Variants in HLA-G observed in about 807,000 individuals in gnomAD.
HLA-G encodes HLA class I histocompatibility antigen, alpha chain G.
HLA-G carries 34 observed loss-of-function variants against 39.3 expected under a neutral mutation model. The ratio of observed to expected loss-of-function variants is 0.86; its 90% CI spans 0.66 to 1.15. The LOEUF is 1.15. HLA-G is among the 50% of genes most tolerant of loss of function. The pLI is 0.00. For synonymous variants in HLA-G, 183 were observed against 185.8 expected (o/e 0.99, Z 0.12); for missense variants, 419 against 456.4 (o/e 0.92, Z 0.75).
chr6:29,828,613 A>T lies in HLA-G; in HGVS notation c.414A>T (p.Glu138Asp). The T allele has an allele frequency of 2.5e-6, 4 of 1,613,056 alleles. No individual in the cohort carries two copies. Among genetic ancestry groups the T allele is most frequent in the Non-Finnish European group, 3.4e-6 (4 of 1,179,958 alleles). ...ACGGACGCCTCCTCCGCGGGTATGA[A>T]CAGTATGCCTACGATGGCAAGGATT... ...GSDGRLLRGY[E>D]QYAYDGKDYL... The change falls in exon 3 of 7, where the codon GAA becomes GAT. Residue 138 changes from glutamate to aspartate, a missense_variant. Transcript: ENST00000360323.
rs1416959687 is a variant in HLA-G at position 29,830,980 on chromosome 6, C to T, written c.*241C>T. 5.3e-6 allele frequency: 1 copy of T among 187,992 alleles called. No homozygotes were observed. Among genetic ancestry groups the T allele is most frequent in the Non-Finnish European group, 1.2e-5 (1 of 86,618 alleles). 11.6% of individuals were successfully genotyped at this position (187,992 alleles called of 1,614,324 possible). On this transcript the variant is annotated 3_prime_UTR_variant, in exon 7 of 7. Coordinates refer to ENST00000360323, the MANE Select transcript of HLA-G (RefSeq NM_001384290.1). The stretch of plus-strand genomic sequence containing the variant: ...TGTCTCAAATTTGTGGTCCACTGAG[C>T]TATAACTTACTTCTGTATTAAAATT...
rs1036044443 is a variant in HLA-G, at chr6:29,830,837, T to C, written c.*98T>C. 8 of 434,172 alleles carry C rather than the reference T, an allele frequency of 1.8e-5. No individual in the cohort carries two copies. Among genetic ancestry groups the C allele is most frequent in the African/African-American group, 8.1e-5 (4 of 49,602 alleles). 26.9% of individuals were successfully genotyped at this position (434,172 alleles called of 1,614,324 possible). On this transcript the variant is annotated 3_prime_UTR_variant, in exon 7 of 7. Coordinates refer to ENST00000360323, the MANE Select transcript of HLA-G (RefSeq NM_001384290.1). ...GTGACTTCAAGAACCCTGACTCCTC[T>C]TTGTGCAGAGACCAGCCCACCCCTG...
Position 29,829,700 on chromosome 6 carries a change from A to C in HLA-G, c.895+7A>C. 6.2e-7 allele frequency: 1 copy of C among 1,611,542 alleles called. No individual in the cohort carries two copies. Among genetic ancestry groups the C allele is most frequent in the Non-Finnish European group, 8.5e-7 (1 of 1,179,172 alleles). On this transcript the variant is annotated splice_region_variant and intron_variant, in intron 4 of 6. Coordinates refer to ENST00000360323, the MANE Select transcript of HLA-G (RefSeq NM_001384290.1). Reference sequence around the variant, plus strand: ...CCCCTCATGCTGAGATGGAGTAAGGAGGGAGATGGAGGCATCATGTCTGTT... The same window carrying C: ...CCCCTCATGCTGAGATGGAGTAAGGCGGGAGATGGAGGCATCATGTCTGTT...
intron 2 of HLA-G, 77 bp from the exon 3 acceptor site, chr6:29,828,466 T>G: frequency 6.4e-7 from 1 of 1,567,434 alleles, no homozygotes; most frequent in Non-Finnish European, 8.6e-7. Context: ...CCAAGGCGCC[T>G]TTACCAAAAT....
rs1472538844 is a variant in HLA-G, at chr6:29,829,424, C to G, written c.626C>G (p.Pro209Arg). ...GKEMLQRADPPKTHVTHHPVF... is the reference protein window; with the variant it reads ...GKEMLQRADPRKTHVTHHPVF... ...TTCTGACTCTTCCTTTCAGACCCCC[C>G]CAAGACACACGTGACCCACCACCCT... is the stretch of plus-strand genomic sequence containing the variant. Residue 209 changes from proline (P) to arginine (R), a missense_variant, in exon 4 of 7, where the codon CCC becomes CGC. By Grantham distance (103) the Pro-to-Arg change is moderately radical. Coordinates refer to ENST00000360323, the MANE Select transcript of HLA-G (RefSeq NM_001384290.1). 2.5e-6 allele frequency: 4 copies of G among 1,613,654 alleles called. No homozygotes were observed. Among genetic ancestry groups the G allele is most frequent in the Non-Finnish European group, 3.4e-6 (4 of 1,179,680 alleles).
Position 29,830,301 on chromosome 6 carries a change from C to T in HLA-G, c.1013-77C>T, listed in dbSNP as rs960781272. ...CATTTCTGGAAACTTCTCGAGGGTC[C>T]AAGACTAGGAGGTTCCTCTAGGACC... On this transcript the variant is annotated intron_variant, in intron 5 of 6. Coordinates refer to ENST00000360323, the MANE Select transcript of HLA-G (RefSeq NM_001384290.1). 11 of 1,523,378 alleles carry T rather than the reference C, an allele frequency of 7.2e-6. No homozygotes were observed. In the African/African-American group the frequency reaches 1.4e-4, roughly 19 times the overall value. 94.4% of individuals were successfully genotyped at this position (1,523,378 alleles called of 1,614,324 possible). A position where few individuals can be genotyped will look rare whatever the true frequency, so the allele number is the denominator to read the frequency against.
In HLA-G at chr6:29,828,629, GGCAAGGATTACCTC is replaced by G. The variant is rs754077042; in HGVS notation, c.433_446del (p.Lys145ProfsTer23). ...CGGGTATGAACAGTATGCCTACGATGGCAAGGATTACCTCGCCCTGAACGAGGACCTGCGCTCCT... is the reference window on the plus strand; with the variant it reads ...CGGGTATGAACAGTATGCCTACGATGGCCCTGAACGAGGACCTGCGCTCCT... On this transcript the variant is annotated frameshift_variant, in exon 3 of 7. Coordinates refer to ENST00000360323, the MANE Select transcript of HLA-G (RefSeq NM_001384290.1). LOFTEE classifies it high-confidence loss of function. 2.5e-6 allele frequency: 4 copies of G among 1,613,264 alleles called. No homozygotes were observed. The highest frequency in any genetic ancestry group is 3.4e-6 in the Non-Finnish European group (4 of 1,180,030).
intron 4 of HLA-G, 46 bp downstream of exon 4, chr6:29,829,739 G>A: frequency 6.2e-7 from 1 of 1,606,854 alleles, no homozygotes; most frequent in Admixed American, 1.7e-5. Flanking sequence ...GAAAGCAGGA[G>A]CCTCTCTGAA....
Position 29,831,015 on chromosome 6 carries a change from G to A in HLA-G, c.*276G>A, listed in dbSNP as rs1173487219. ...CTTCTGTATTAAAATTAGAATCTGA[G>A]TATAAATTTACTTTTTCAAATTATT... On this transcript the variant is annotated 3_prime_UTR_variant, in exon 7 of 7. Transcript: ENST00000360323. The A allele has an allele frequency of 1.7e-5, 3 of 180,578 alleles. No individual in the cohort carries two copies. Among genetic ancestry groups the A allele is most frequent in the Non-Finnish European group, 3.6e-5 (3 of 83,210 alleles). The allele number at this position is 180,578 out of a possible 1,614,324, so 11.2% of individuals were successfully genotyped here.
rs1475755134 is a variant in HLA-G, at chr6:29,829,470, C to T, written c.672C>T (p.Thr224=). 1 of 1,613,802 alleles carries T rather than the reference C, an allele frequency of 6.2e-7. No individual in the cohort carries two copies. The highest frequency in any genetic ancestry group is 8.5e-7 in the Non-Finnish European group (1 of 1,179,830). ...THHPVFDYEA[T]LRCWALGFYP... ...ACCCTGTCTTTGACTATGAGGCCACCCTGAGGTGCTGGGCCCTGGGCTTCT... is the reference window on the plus strand; with the variant it reads ...ACCCTGTCTTTGACTATGAGGCCACTCTGAGGTGCTGGGCCCTGGGCTTCT... Residue 224 remains threonine, a synonymous_variant, in exon 4 of 7, where the codon ACC becomes ACT. Coordinates refer to ENST00000360323, the MANE Select transcript of HLA-G (RefSeq NM_001384290.1).
At chr6:29,828,478 C>T (rs1760905234) in intron 2 of HLA-G, 65 bp from the exon 3 acceptor site, 2 of 1,574,222 alleles carry the variant, frequency 1.3e-6, no homozygotes, top group Non-Finnish European at 1.7e-6. Context: ...TACCAAAATC[C>T]CCGCGGGTGG....
At chr6:29,827,282 C>A, upstream of HLA-G, 1 of 354,996 alleles carries the variant, frequency 2.8e-6, no homozygotes, top group African/African-American at 2.1e-5. Context: ...CACTCAGGCA[C>A]AACTTTTCCA....
chr6:29,828,022 G>A (rs1442191212), intron 1 of HLA-G, 25 bp from the exon 2 acceptor site: 13 of 1,606,532 alleles, frequency 8.1e-6, no homozygotes, highest in Non-Finnish European at 1.1e-5. Flanking sequence ...GGGTCGGGCG[G>A]GTCTCAACCC....
chr6:29,830,473 G>C, intron 6 of HLA-G, 63 bp downstream of exon 6: 1 of 1,406,556 alleles, frequency 7.1e-7, no homozygotes, highest in South Asian at 1.2e-5. Flanking sequence ...GCCCATGGGG[G>C]AGCTCACCCA....
At chr6:29,828,006 G>A (rs762144039) in intron 1 of HLA-G, 41 bp from the exon 2 acceptor site, 1 of 1,600,836 alleles carries the variant, frequency 6.2e-7, no homozygotes, top group Non-Finnish European at 8.5e-7. Flanking sequence ...AGCCGCGCCG[G>A]GAGGAGGGTC....
At chr6:29,826,702 T>G (rs769138609), upstream of HLA-G, among the ~76,000 whole-genome samples, 1 of 152,218 alleles carries the variant, frequency 6.6e-6, no homozygotes, top group Non-Finnish European at 1.5e-5. Context: ...TTTATAGATT[T>G]TAATACATCC....
rs1334925113 is a variant in HLA-G at position 29,827,889 on chromosome 6, G to T, written c.45G>T (p.Gly15=). The T allele has an allele frequency of 6.2e-7, 1 of 1,613,050 alleles. No individual in the cohort carries two copies. The highest frequency in any genetic ancestry group is 1.3e-5 in the African/African-American group (1 of 74,906). Residue 15 remains glycine (G), a synonymous_variant, in exon 1 of 7, where the codon GGG becomes GGT. Transcript: ENST00000360323. ...APRTLFLLLS[G]ALTLTETWAG... ...GAACCCTCTTCCTGCTGCTCTCGGG[G>T]GCCCTGACCCTGACCGAGACCTGGG...
At position 29,828,133 on chromosome 6, in the gene HLA-G, G is replaced by T. The variant is rs138289952; in HGVS notation, c.160G>T (p.Asp54Tyr). ...PRFIAMGYVD[D>Y]TQFVRFDSDS... ...CTTCATCGCCATGGGCTACGTGGAC[G>T]ACACGCAGTTCGTGCGGTTCGACAG... The change falls in exon 2 of 7, where the codon GAC becomes TAC. Residue 54 changes from aspartate (D) to tyrosine (Y), a missense_variant. Asp to Tyr is a radical substitution (Grantham distance 160). Coordinates refer to ENST00000360323, the MANE Select transcript of HLA-G (RefSeq NM_001384290.1). The T allele has an allele frequency of 2.2e-5, 36 of 1,613,104 alleles. No homozygotes were observed. In the Admixed American group the frequency reaches 2.7e-4, roughly 12 times the overall value.
rs1220097996 is a variant in HLA-G, at chr6:29,828,181, G to A, written c.208G>A (p.Glu70Lys). ...FDSDSACPRM[E>K]PRAPWVEQEG... ...CAGCGACTCGGCGTGTCCGAGGATG[G>A]AGCCGCGGGCGCCGTGGGTGGAGCA... Residue 70 changes from glutamate to lysine, a missense_variant, in exon 2 of 7, where the codon GAG becomes AAG. Physicochemically the swap from Glu to Lys is moderately conservative, Grantham distance 56 (BLOSUM62 1). Coordinates refer to ENST00000360323, the MANE Select transcript of HLA-G (RefSeq NM_001384290.1). 2 of 1,613,436 alleles carry A rather than the reference G, an allele frequency of 1.2e-6. No individual in the cohort carries two copies. Among genetic ancestry groups the A allele is most frequent in the East Asian group, 2.2e-5 (1 of 44,866 alleles).
Sources: allele counts gnomAD v4.1 joint callset (sites outside exome capture counted in the v4.1 genomes callset), GRCh38; gene constraint gnomAD v4.1.1; transcripts MANE v1.5; gene names NCBI Gene and HGNC (gene_info 2026-07-23, HGNC 2026-07-21).